SNUPN: variants seen among roughly 807,000 people sequenced by gnomAD.
The protein encoded by SNUPN is snurportin 1.
In SNUPN, 31 loss-of-function variants were observed where a neutral mutation model predicts 39.2. That is an observed-to-expected ratio of 0.79 (90% CI 0.59 to 1.07). The LOEUF (loss-of-function observed/expected upper bound fraction) is 1.07, where lower values mean the gene tolerates loss of function less well. Among genes scored for constraint, SNUPN ranks in the 50% least tolerant of loss-of-function variants. The pLI, the probability that SNUPN is intolerant of heterozygous loss-of-function variation, is 0.00. For missense variants in SNUPN, 382 were observed against 434.2 expected, an observed-to-expected ratio of 0.88 and a Z score of 1.07; for synonymous variants, 132 against 159.0, an observed-to-expected ratio of 0.83 and a Z score of 1.28.
At chr15:75,619,503 G>A (rs187851545) in intron 2 of SNUPN, among the ~76,000 whole-genome samples, 1 of 152,100 alleles carries the variant, frequency 6.6e-6, no homozygotes, top group Non-Finnish European at 1.5e-5. Flanking sequence ...TTAGCCAGGT[G>A]CTATGGAGTG....
intron 3 of SNUPN, among the ~76,000 whole-genome samples, chr15:75,612,514 TC>T (rs1892811142): frequency 6.6e-6 from 1 of 152,084 alleles, no homozygotes; most frequent in Admixed American, 6.6e-5. Flanking sequence ...CTGTTTTAGG[TC>T]CCCCTTTTCT....
At position 75,621,450 on chromosome 15, in the gene SNUPN, C is replaced by T. The variant is rs567155525; in HGVS notation, c.-5-394G>A. Among the ~76,000 whole-genome samples, 37 of 152,026 alleles carry T rather than the reference C, an allele frequency of 2.4e-4. 1 individual carries two copies. The highest frequency in any genetic ancestry group is 8.7e-4 in the African/African-American group (36 of 41,474). On this transcript the variant is annotated intron_variant, in intron 1 of 8. Coordinates refer to ENST00000308588, the MANE Select transcript of SNUPN (RefSeq NM_005701.4). ...CAATTTTAAAATTTATTGGTACAGA[C>T]GGGATCTCCCTATGTTGCCTAGGCT...
At position 75,607,224 on chromosome 15, in the gene SNUPN, CA is replaced by C; in HGVS notation, c.591del (p.Tyr197Ter). The C allele has an allele frequency of 6.2e-7, 1 of 1,612,286 alleles. No individual in the cohort carries two copies. Among genetic ancestry groups the C allele is most frequent in the South Asian group, 1.1e-5 (1 of 91,048 alleles). ...DVMCWRGHPF[Y>X]DCQTDFRFYW... ...GGAGGATCCATCCCTACCTGGCAAT[CA>C]TAAAAAGGGTGTCCCCGCCAGCACA... On this transcript the variant is annotated frameshift_variant, in exon 6 of 9. Coordinates refer to ENST00000308588, the MANE Select transcript of SNUPN (RefSeq NM_005701.4). LOFTEE classifies it high-confidence loss of function.
chr15:75,605,262 C>G (rs750879759), intron 6 of SNUPN, 35 bp from the exon 7 acceptor site: 1 of 1,427,180 alleles, frequency 7.0e-7, no homozygotes, highest in South Asian at 1.2e-5. Flanking sequence ...AGATGAAATA[C>G]TTTCCATTTC....
chr15:75,621,603 C>T (rs1379006696), intron 1 of SNUPN, among the ~76,000 whole-genome samples: 1 of 152,144 alleles, frequency 6.6e-6, no homozygotes, highest in Non-Finnish European at 1.5e-5. Flanking sequence ...ATAGCCATCA[C>T]TCATTAACCA....
intron 2 of SNUPN, 58 bp downstream of exon 2, chr15:75,620,836 G>A (rs139891790): frequency 2.1e-4 from 317 of 1,483,884 alleles, no homozygotes; most frequent in Admixed American, 7.9e-4. Context: ...TAGAGCCTTC[G>A]GAATGGTTCA....
rs531689606 is a variant in SNUPN at position 75,601,214 on chromosome 15, T to G, written c.683A>C (p.Lys228Thr). 1 of 1,608,294 alleles carries G rather than the reference T, an allele frequency of 6.2e-7. No homozygotes were observed. Among genetic ancestry groups the G allele is most frequent in the Non-Finnish European group, 8.5e-7 (1 of 1,174,942 alleles). The change falls in exon 8 of 9, where the codon AAA becomes ACA. Residue 228 changes from lysine to threonine, a missense_variant. By Grantham distance (78) the Lys-to-Thr change is moderately conservative. Coordinates refer to ENST00000308588, the MANE Select transcript of SNUPN (RefSeq NM_005701.4). Reference protein sequence around the residue: ...LGEKTKLNPFKFVGLKNFPCT... With the variant: ...LGEKTKLNPFTFVGLKNFPCT... ...AGGGAAGTTCTTTAGCCCCACAAAT[T>G]TAAACTGAAATAGAAATTAGAACAA... is the stretch of plus-strand genomic sequence containing the variant.
chr15:75,598,325 C>T lies in SNUPN; in HGVS notation c.*33G>A. The T allele has an allele frequency of 6.4e-7, 1 of 1,563,316 alleles. No individual in the cohort carries two copies. Among genetic ancestry groups the T allele is most frequent in the Non-Finnish European group, 8.7e-7 (1 of 1,145,076 alleles). Reference sequence around the variant, plus strand: ...CCAGGATTCCTTTTGGGGCCAGGTACCATCCTGTGGCTCCTTAAGGAGGCT... The same window carrying T: ...CCAGGATTCCTTTTGGGGCCAGGTATCATCCTGTGGCTCCTTAAGGAGGCT... On this transcript the variant is annotated 3_prime_UTR_variant, in exon 9 of 9. Transcript: ENST00000308588.
chr15:75,624,168 C>T (rs1398872621), intron 1 of SNUPN, among the ~76,000 whole-genome samples: 37 of 149,434 alleles, frequency 2.5e-4, no homozygotes, highest in Middle Eastern at 3.4e-3. Flanking sequence ...ACCTCGTGAT[C>T]CGCCCGCCTC....
intron 2 of SNUPN, among the ~76,000 whole-genome samples, chr15:75,620,009 A>G (rs1163051315): frequency 6.6e-6 from 1 of 152,152 alleles, no homozygotes; most frequent in Non-Finnish European, 1.5e-5. Flanking sequence ...TCGGCCACCC[A>G]AAGTGCTGGG....
At chr15:75,602,025 G>A (rs941886032) in intron 7 of SNUPN, among the ~76,000 whole-genome samples, 1 of 152,026 alleles carries the variant, frequency 6.6e-6, no homozygotes, top group Non-Finnish European at 1.5e-5. Context: ...TTATAGGCAT[G>A]AGCCACTGTA....
intron 7 of SNUPN, among the ~76,000 whole-genome samples, chr15:75,603,874 G>T (rs1273028657): frequency 6.6e-6 from 1 of 152,120 alleles, no homozygotes; most frequent in African/African-American, 2.4e-5. Flanking sequence ...AAACTCTAAA[G>T]TCAGATTGCT....
intron 2 of SNUPN, among the ~76,000 whole-genome samples, chr15:75,618,777 T>C (rs1012689252): frequency 9.2e-5 from 14 of 152,032 alleles, no homozygotes; most frequent in African/African-American, 3.4e-4. Context: ...TATTTGTACA[T>C]GTGTGAAAGA....
At chr15:75,613,685 C>G (rs1297275790) in intron 3 of SNUPN, among the ~76,000 whole-genome samples, 2 of 150,240 alleles carry the variant, frequency 1.3e-5, no homozygotes, top group Non-Finnish European at 3.0e-5. Flanking sequence ...TGTTTAACAT[C>G]ATTAGTCACT....
intron 2 of SNUPN, 119 bp from the exon 3 acceptor site, chr15:75,617,671 T>A: frequency 8.9e-7 from 1 of 1,129,374 alleles, no homozygotes. Flanking sequence ...AGCCTCAACC[T>A]CCTGGGCTCA....
chr15:75,613,181 CCCGGGAGGCGGAGCTTGTAGTGAG>C (rs1355832998), intron 3 of SNUPN, among the ~76,000 whole-genome samples: 1 of 148,110 alleles, frequency 6.8e-6, no homozygotes, highest in Non-Finnish European at 1.5e-5. Context: ...ATGGCGTGAA[CCCGGGAGGCGGAGCTTGTAGTGAG>C]CCAAGATCGC....
chr15:75,609,624 C>T lies in SNUPN; in HGVS notation c.436G>A (p.Gly146Ser), dbSNP rs776802360. The T allele has an allele frequency of 6.2e-7, 1 of 1,613,348 alleles. No homozygotes were observed. The change falls in exon 5 of 9, where the codon GGC becomes AGC. Residue 146 changes from glycine (G) to serine (S), a missense_variant. Gly to Ser is a moderately conservative substitution (Grantham distance 56, BLOSUM62 0). Transcript: ENST00000308588. ...RGSTSAYTKS[G>S]YCVNRFSSLL... ...GAAGAAAACCTGTTGACACAGTAGC[C>T]ACTCTTGGTGTAGGCACTGGTAGAA...
At chr15:75,612,181 C>T (rs920046240) in intron 3 of SNUPN, among the ~76,000 whole-genome samples, 19 of 152,128 alleles carry the variant, frequency 1.2e-4, no homozygotes, top group South Asian at 4.1e-4. Context: ...TACAGGCACA[C>T]GCCACTACGC....
chr15:75,613,929 A>C (rs2141372596), intron 3 of SNUPN, among the ~76,000 whole-genome samples: 1 of 152,336 alleles, frequency 6.6e-6, no homozygotes, highest in African/African-American at 2.4e-5. Flanking sequence ...TTCCACTTCT[A>C]GGTATATACA....
Sources: gnomAD v4.1 joint callset for allele counts (sites outside exome capture counted in the v4.1 genomes callset) on GRCh38, gnomAD v4.1.1 for gene constraint, MANE v1.5 for transcripts, NCBI Gene and HGNC (gene_info 2026-07-23, HGNC 2026-07-21) for gene names.